The following DNAH5 variants were observed in gnomAD, a reference collection of about 807,000 sequenced individuals.
DNAH5 encodes the protein axonemal beta dynein heavy chain 5.
A neutral mutation model predicts 518.2 loss-of-function variants in DNAH5; 372 were observed. The ratio of observed to expected loss-of-function variants is 0.72; its 90% CI spans 0.66 to 0.78. The LOEUF is 0.78. Among genes scored for constraint, DNAH5 ranks in the 30% least tolerant of loss-of-function variants. DNAH5 has a pLI of 0.00. For missense variants in DNAH5, 5,523 were observed against 5,687.0 expected (o/e 0.97, Z 0.93); for synonymous variants, 2,039 against 2,025.9 (o/e 1.01, Z -0.17).
intron 22 of DNAH5, among the ~76,000 whole-genome samples, chr5:13,873,820 T>C (rs540175056): frequency 1.3e-5 from 2 of 152,292 alleles, no homozygotes; most frequent in South Asian, 4.1e-4. Flanking sequence ...GTCTCTTCAT[T>C]TCTAATTCCT....
intron 1 of DNAH5, among the ~76,000 whole-genome samples, chr5:13,955,882 T>C (rs557964614): frequency 2.6e-5 from 4 of 152,296 alleles, no homozygotes; most frequent in Admixed American, 2.6e-4. Flanking sequence ...TTCAAAACTC[T>C]TATTTCAATA....
chr5:13,739,409 T>A (rs1240311198), intron 65 of DNAH5, among the ~76,000 whole-genome samples: 1 of 152,122 alleles, frequency 6.6e-6, no homozygotes, highest in Non-Finnish European at 1.5e-5. Context: ...GTGAAGAAGG[T>A]CCCTGCTTCT....
intron 53 of DNAH5, among the ~76,000 whole-genome samples, chr5:13,780,389 C>T (rs1168731687): frequency 6.6e-6 from 1 of 152,182 alleles, no homozygotes; most frequent in African/African-American, 2.4e-5. Flanking sequence ...GCTAGATTCA[C>T]CTTGCTCACC....
chr5:13,788,781 A>C lies in DNAH5; in HGVS notation c.8582T>G (p.Leu2861Arg). Residue 2861 changes from leucine to arginine, a missense_variant, in exon 51 of 79, where the codon CTC becomes CGC. By Grantham distance (102) the Leu-to-Arg change is moderately radical. Coordinates refer to ENST00000265104, the MANE Select transcript of DNAH5 (RefSeq NM_001369.3). ...TGTGTCAATTCCACAATCCACCAAG[A>C]GTTTTTTCTCTTCACCAAACTCCTC... ...VEEEFGEEKK[L>R]LVDCGIDTYF... The C allele has an allele frequency of 1.2e-6, 2 of 1,614,108 alleles. No homozygotes were observed. The highest frequency in any genetic ancestry group is 1.7e-6 in the Non-Finnish European group (2 of 1,180,004).
chr5:13,909,282 T>A (rs201171699), intron 12 of DNAH5, among the ~76,000 whole-genome samples: 2 of 152,142 alleles, frequency 1.3e-5, no homozygotes, highest in South Asian at 2.1e-4. Context: ...ATTTACAAAA[T>A]AGGCAGAGTA....
At position 13,924,900 on chromosome 5, in the gene DNAH5, A is replaced by G. The variant is rs981146145; in HGVS notation, c.278-1460T>C. Among the ~76,000 whole-genome samples, 8 of 152,166 alleles carry G rather than the reference A, an allele frequency of 5.3e-5. 1 individual carries two copies. The highest frequency in any genetic ancestry group is 5.2e-4 in the Admixed American group (8 of 15,276). On this transcript the variant is annotated intron_variant, in intron 3 of 78. Transcript: ENST00000265104. ...CTCTGAGCTGTTTCATTGTGTTCTT[A>G]CCTGCCCAAGAAATGTTTAGATCTC... is the stretch of plus-strand genomic sequence containing the variant.
At chr5:13,852,586 T>A (rs1263616583) in intron 30 of DNAH5, among the ~76,000 whole-genome samples, 1 of 152,090 alleles carries the variant, frequency 6.6e-6, no homozygotes, top group East Asian at 1.9e-4. Flanking sequence ...GTGGATCCCA[T>A]CCCCACAGAA....
At chr5:13,802,398 C>G (rs1049032599) in intron 47 of DNAH5, among the ~76,000 whole-genome samples, 1 of 152,156 alleles carries the variant, frequency 6.6e-6, no homozygotes, top group African/African-American at 2.4e-5. Context: ...ATTAATTTCT[C>G]AATAGACAAC....
chr5:13,758,656 A>AT (rs1391440035), intron 61 of DNAH5, among the ~76,000 whole-genome samples, 190 bp downstream of exon 61: 1 of 152,192 alleles, frequency 6.6e-6, no homozygotes, highest in Non-Finnish European at 1.5e-5. Flanking sequence ...GAAACTCAGA[A>AT]TGGCTATGTT....
intron 43 of DNAH5, among the ~76,000 whole-genome samples, chr5:13,814,292 T>C (rs934584334): frequency 6.6e-5 from 10 of 152,214 alleles, no homozygotes; most frequent in African/African-American, 9.6e-5. Flanking sequence ...AATCCCCAGA[T>C]TGATCAAATT....
intron 1 of DNAH5, among the ~76,000 whole-genome samples, chr5:13,964,563 T>C (rs987809716): frequency 4.6e-5 from 7 of 152,234 alleles, no homozygotes; most frequent in Non-Finnish European, 7.3e-5. Context: ...CTCTCAGCCC[T>C]GCCTCAGTGG....
intron 70 of DNAH5, among the ~76,000 whole-genome samples, chr5:13,724,240 T>C (rs564120523): frequency 6.6e-6 from 1 of 152,360 alleles, no homozygotes; most frequent in African/African-American, 2.4e-5. Context: ...GTGCCTTGGA[T>C]GCAGGACACG....
At chr5:13,786,465 G>C in intron 51 of DNAH5, 114 bp from the exon 52 acceptor site, 6 of 1,113,736 alleles carry the variant, frequency 5.4e-6, no homozygotes, top group Non-Finnish European at 8.0e-6. Flanking sequence ...TTCATTTTAA[G>C]CTAAATGCCA....
chr5:13,967,086 T>C (rs1405802137), intron 1 of DNAH5, among the ~76,000 whole-genome samples: 1 of 152,202 alleles, frequency 6.6e-6, no homozygotes, highest in African/African-American at 2.4e-5. Flanking sequence ...GGTCTCAAAC[T>C]CCTCACCTCA....
chr5:13,985,430 A>AAAATAT (rs1554006218), intron 1 of DNAH5, among the ~76,000 whole-genome samples: 3 of 127,346 alleles, frequency 2.4e-5, no homozygotes, highest in African/African-American at 5.7e-5. Context: ...AGTATAATAA[A>AAAATAT]ATATATATAT....
chr5:13,737,589 C>T (rs1457117283), intron 65 of DNAH5, 94 bp from the exon 66 acceptor site: 1 of 1,353,508 alleles, frequency 7.4e-7, no homozygotes, highest in Non-Finnish European at 1.0e-6. Context: ...TTTGAAGCTC[C>T]CATACTGTAT....
At chr5:13,867,621 A>C (rs980559330) in intron 25 of DNAH5, among the ~76,000 whole-genome samples, 153 bp downstream of exon 25, 2 of 152,012 alleles carry the variant, frequency 1.3e-5, no homozygotes, top group Non-Finnish European at 2.9e-5. Context: ...ATTGTGAAAA[A>C]AAATGTTTTT....
At position 13,780,944 on chromosome 5, in the gene DNAH5, G is replaced by A. The variant is rs150899380; in HGVS notation, c.8836C>T (p.Arg2946Cys). The change falls in exon 53 of 79, where the codon CGT becomes TGT. Residue 2946 changes from arginine to cysteine, a missense_variant. This residue lies in a region of DNAH5 where 5,121 missense variants were observed against 5,223.3 expected (regional missense o/e 0.98). Transcript: ENST00000265104. ...VHLVKISRVI[R>C]TPQGNALLVG... Reference sequence around the variant, plus strand: ...AGGAGGGCATTTCCCTGAGGAGTACGAATGACACGAGAGATCTGTAATATG... The same window carrying A: ...AGGAGGGCATTTCCCTGAGGAGTACAAATGACACGAGAGATCTGTAATATG... The A allele has an allele frequency of 3.5e-5, 57 of 1,613,636 alleles. No individual in the cohort carries two copies. The East Asian group carries it at 8.5e-4, about 24-fold the overall frequency.
Position 13,886,024 on chromosome 5 carries a change from C to T in DNAH5, c.2683G>A (p.Glu895Lys), listed in dbSNP as rs76229167. ...TTGGATATTTTTTCACTTTCTTCTT[C>T]AGATAAAACTTCCACATCCAGCAAC... Reference protein sequence around the residue: ...NMLLDVEVLSEEESEKISNEN... With the variant: ...NMLLDVEVLSKEESEKISNEN... The change falls in exon 18 of 79, where the codon GAA (glutamate) becomes AAA (lysine). Residue 895 changes from glutamate to lysine, a missense_variant. Glu to Lys is a moderately conservative substitution (Grantham distance 56, BLOSUM62 1). Coordinates refer to ENST00000265104, the MANE Select transcript of DNAH5 (RefSeq NM_001369.3). 4,921 of 1,612,148 alleles carry T rather than the reference C, an allele frequency of 3.1e-3. 136 individuals carry two copies. The African/African-American group carries it at 0.054, about 18-fold the overall frequency.
Sources: allele counts gnomAD v4.1 joint callset (sites outside exome capture counted in the v4.1 genomes callset), GRCh38; gene constraint gnomAD v4.1.1; regional missense constraint gnomAD v4.1.1; transcripts MANE v1.5; gene names NCBI Gene and HGNC (gene_info 2026-07-23, HGNC 2026-07-21).